Variants in TNKS observed in about 807,000 individuals in gnomAD.
TNKS encodes poly [ADP-ribose] polymerase tankyrase-1.
TNKS carries 72 observed loss-of-function variants against 135.8 expected under a neutral mutation model. That is an observed-to-expected ratio of 0.53 (90% CI 0.44 to 0.64). TNKS has a LOEUF of 0.64. TNKS is among the 30% of genes least tolerant of loss of function. The probability of loss-of-function intolerance (pLI) is 0.00; values close to 1 mark genes in which losing one functional copy is unlikely to be tolerated. For missense variants in TNKS, 1,769 were observed against 1,674.0 expected, an observed-to-expected ratio of 1.06 and a Z score of -0.99; for synonymous variants, 849 against 649.3, an observed-to-expected ratio of 1.31 and a Z score of -4.68.
intron 1 of TNKS, chr8:9,558,010 GAGA>G (rs1797153721): frequency 1.3e-5 from 2 of 152,154 alleles, no homozygotes; most frequent in Admixed American, 1.3e-4. Flanking sequence ...CAATTTTTGG[GAGA>G]AGTAGTAATG....
intron 3 of TNKS, among the ~76,000 whole-genome samples, chr8:9,645,149 T>G (rs1027942593): frequency 6.6e-6 from 1 of 151,256 alleles, no homozygotes; most frequent in East Asian, 1.9e-4. Flanking sequence ...TCAGGAGAAG[T>G]GGTGAATGCA....
intron 23 of TNKS, 55 bp downstream of exon 23, chr8:9,764,845 C>A: frequency 2.2e-6 from 3 of 1,382,852 alleles, no homozygotes; most frequent in East Asian, 2.5e-5. Context: ...GCCTAAAAAC[C>A]AAATCTAGAC....
intron 12 of TNKS, among the ~76,000 whole-genome samples, chr8:9,722,768 GTT>G (rs2128813464): frequency 6.6e-6 from 1 of 152,200 alleles, no homozygotes; most frequent in South Asian, 2.1e-4. Flanking sequence ...GTTTCTGTAT[GTT>G]TTAACCATAA....
chr8:9,614,233 A>G (rs1799559633), intron 2 of TNKS, among the ~76,000 whole-genome samples: 1 of 152,234 alleles, frequency 6.6e-6, no homozygotes, highest in Non-Finnish European at 1.5e-5. Context: ...GGCACTCGCC[A>G]TTTTATTCTA....
intron 3 of TNKS, among the ~76,000 whole-genome samples, chr8:9,639,498 T>C (rs548695026): frequency 2.6e-4 from 40 of 151,442 alleles, no homozygotes; most frequent in African/African-American, 9.7e-4. Flanking sequence ...GTTTTCACTA[T>C]ATAATCTTGT....
chr8:9,628,821 G>A (rs1229813488), intron 3 of TNKS, among the ~76,000 whole-genome samples: 1 of 151,998 alleles, frequency 6.6e-6, no homozygotes, highest in Non-Finnish European at 1.5e-5. Context: ...CCTTAACATG[G>A]CCAACACAGA....
chr8:9,733,239 G>A, intron 14 of TNKS, 40 bp from the exon 15 acceptor site: 2 of 1,515,046 alleles, frequency 1.3e-6, no homozygotes, highest in Non-Finnish European at 1.8e-6. Context: ...GTAACTCAAA[G>A]GTTTGTTTTA....
intron 2 of TNKS, among the ~76,000 whole-genome samples, chr8:9,583,710 A>T (rs1247825550): frequency 6.6e-6 from 1 of 151,884 alleles, no homozygotes; most frequent in African/African-American, 2.4e-5. Flanking sequence ...GATGCTCTCG[A>T]TCTCTTGACC....
intron 2 of TNKS, among the ~76,000 whole-genome samples, chr8:9,608,132 G>T (rs1799306633): frequency 6.6e-6 from 1 of 151,920 alleles, no homozygotes; most frequent in Non-Finnish European, 1.5e-5. Flanking sequence ...GAAAAGTCCA[G>T]GTCTCCCTAT....
At chr8:9,582,661 A>C (rs1798212024) in intron 2 of TNKS, among the ~76,000 whole-genome samples, 1 of 152,218 alleles carries the variant, frequency 6.6e-6, no homozygotes, top group Admixed American at 6.5e-5. Flanking sequence ...GTAAAATGAG[A>C]ATACTGTTCT....
At chr8:9,557,505 C>T (rs1309429685) in intron 1 of TNKS, 1 of 151,638 alleles carries the variant, frequency 6.6e-6, no homozygotes, top group African/African-American at 2.4e-5. Flanking sequence ...ACCATAATCT[C>T]ACTGCCTGGA....
intron 3 of TNKS, among the ~76,000 whole-genome samples, chr8:9,655,568 A>G (rs1801324877): frequency 6.6e-6 from 1 of 152,224 alleles, no homozygotes; most frequent in African/African-American, 2.4e-5. Context: ...ATTAGACAGC[A>G]GCATTTGCGG....
intron 1 of TNKS, among the ~76,000 whole-genome samples, chr8:9,560,634 G>A (rs1797289146): frequency 6.7e-6 from 1 of 150,122 alleles, no homozygotes; most frequent in South Asian, 2.1e-4. Context: ...CTGCAGTCTT[G>A]GAGTGGGAAT....
At chr8:9,748,277 G>C in intron 18 of TNKS, 65 bp downstream of exon 18, 1 of 1,293,170 alleles carries the variant, frequency 7.7e-7, no homozygotes, top group Non-Finnish European at 1.0e-6. Flanking sequence ...TCAGATTCTC[G>C]GGTTCACCAG....
intron 3 of TNKS, among the ~76,000 whole-genome samples, chr8:9,660,914 A>G (rs4554469): frequency 0.5 from 75,044 of 149,730 alleles, 21,232 homozygotes; most frequent in Middle Eastern, 0.68. Context: ...TCAATGTGCA[A>G]AAATCACAGG....
chr8:9,751,517 A>G, intron 18 of TNKS, 92 bp from the exon 19 acceptor site: 1 of 1,232,138 alleles, frequency 8.1e-7, no homozygotes, highest in Non-Finnish European at 1.1e-6. Context: ...TTCATTAAGG[A>G]AAAAATCCAC....
intron 2 of TNKS, among the ~76,000 whole-genome samples, chr8:9,602,267 A>G (rs900299894): frequency 6.6e-6 from 1 of 152,200 alleles, no homozygotes; most frequent in African/African-American, 2.4e-5. Flanking sequence ...CGTAGACAGC[A>G]AAAAGAAGGG....
chr8:9,621,291 C>T (rs1182796280), intron 3 of TNKS, among the ~76,000 whole-genome samples: 3 of 146,266 alleles, frequency 2.1e-5, no homozygotes, highest in East Asian at 2.0e-4. Flanking sequence ...GATGTCAAAC[C>T]GAGGCCTTAT....
At chr8:9,566,112 C>T (rs777057336) in intron 1 of TNKS, 11 of 152,058 alleles carry the variant, frequency 7.2e-5, no homozygotes, top group Non-Finnish European at 1.5e-4. Flanking sequence ...TGCAGGTCTC[C>T]TCTTCCAAAT....
Sources: allele counts gnomAD v4.1 joint callset (sites outside exome capture counted in the v4.1 genomes callset), GRCh38; gene constraint gnomAD v4.1.1; transcripts MANE v1.5; gene names NCBI Gene and HGNC (gene_info 2026-07-23, HGNC 2026-07-21).